The following POLR2F variants were observed in gnomAD, a reference collection of about 807,000 sequenced individuals.
The protein encoded by POLR2F is RNA polymerase II, I and III subunit F.
Under a neutral mutation model 22.7 loss-of-function variants are expected in POLR2F, and 12 were observed. That is an observed-to-expected ratio of 0.53 (90% CI 0.34 to 0.86). The LOEUF (loss-of-function observed/expected upper bound fraction) is 0.86, where lower values mean the gene tolerates loss of function less well. Ranked by LOEUF, POLR2F falls within the 40% of genes least tolerant of loss-of-function variation. The pLI, the probability that POLR2F is intolerant of heterozygous loss-of-function variation, is 0.02. For synonymous variants in POLR2F, 57 were observed against 66.0 expected, an observed-to-expected ratio of 0.86 and a Z score of 0.66; for missense variants, 126 against 171.5, an observed-to-expected ratio of 0.73 and a Z score of 1.48.
At position 37,967,347 on chromosome 22, in the gene POLR2F, TG is replaced by T. The variant is rs1267317791; in HGVS notation, c.293+180del. The T allele has an allele frequency of 2.7e-6, 4 of 1,469,580 alleles. No homozygotes were observed. In the Admixed American group the frequency reaches 9.9e-5, roughly 36 times the overall value. 91.0% of individuals were successfully genotyped at this position (1,469,580 alleles called of 1,614,324 possible). ...AAGAGAGAAGAGGAGGCAGGGAAAG[TG>T]GGAGGGCACTGATGAGACATGGACG... On this transcript the variant is annotated intron_variant, in intron 4 of 4. Coordinates refer to ENST00000442738, the MANE Select transcript of POLR2F (RefSeq NM_021974.5).
At chr22:37,970,230 C>G (rs112324747), downstream of POLR2F, among the ~76,000 whole-genome samples, 4,700 of 147,240 alleles carry the variant, frequency 0.032, 111 homozygotes, top group Non-Finnish European at 0.051. Context: ...GGAGGCGGAG[C>G]TTGCAGTGAG....
chr22:38,005,464 G>C (rs2084812784), intron 1 of POLR2F, among the ~76,000 whole-genome samples: 2 of 152,200 alleles, frequency 1.3e-5, no homozygotes, highest in Non-Finnish European at 1.5e-5. Context: ...AACCACAAAG[G>C]ATTTCAGCTC....
At chr22:38,033,694 A>G (rs2085087640) in intron 5 of POLR2F, among the ~76,000 whole-genome samples, 1 of 152,134 alleles carries the variant, frequency 6.6e-6, no homozygotes, top group Non-Finnish European at 1.5e-5. Flanking sequence ...TGATTTCCTC[A>G]GTTGTTTTCC....
intron 5 of POLR2F, among the ~76,000 whole-genome samples, chr22:38,038,094 T>C (rs1003705688): frequency 7.0e-5 from 10 of 143,738 alleles, no homozygotes; most frequent in Non-Finnish European, 1.4e-4. Context: ...TGAGAGCCAG[T>C]GTTGGGGGGT....
intron 1 of POLR2F, among the ~76,000 whole-genome samples, chr22:37,989,882 C>T (rs1932687061): frequency 6.6e-6 from 1 of 152,226 alleles, no homozygotes; most frequent in South Asian, 2.1e-4. Flanking sequence ...CGCTGTCCTC[C>T]CTCTGCCTGC....
At chr22:38,021,356 C>T (rs2084958942) in intron 1 of POLR2F, among the ~76,000 whole-genome samples, 1 of 152,160 alleles carries the variant, frequency 6.6e-6, no homozygotes, top group South Asian at 2.1e-4. Flanking sequence ...ATAAGAAAAA[C>T]TCTGGTGGGT....
intron 1 of POLR2F, among the ~76,000 whole-genome samples, chr22:38,012,589 CGTT>C (rs377450939): frequency 2.5e-4 from 38 of 152,134 alleles, no homozygotes; most frequent in South Asian, 1.0e-3. Context: ...CCATTAATGT[CGTT>C]GTTGTTGTTG....
At chr22:38,031,031 C>T (rs535587936), downstream of POLR2F, among the ~76,000 whole-genome samples, 6 of 152,052 alleles carry the variant, frequency 3.9e-5, no homozygotes, top group East Asian at 1.2e-3. This position sits in a 1 kb window ranked among gnomAD's most constrained non-coding sequence, Gnocchi z 4.1. Flanking sequence ...CTACAGACCA[C>T]CAGCACTTCA....
At chr22:37,989,931 C>G (rs1269286773) in intron 1 of POLR2F, among the ~76,000 whole-genome samples, 3 of 152,228 alleles carry the variant, frequency 2.0e-5, no homozygotes, top group Non-Finnish European at 2.9e-5. Context: ...CTGAGAGGTC[C>G]TCTTCCAGGA....
chr22:38,015,588 A>G (rs1007823951), intron 1 of POLR2F, among the ~76,000 whole-genome samples: 37 of 152,216 alleles, frequency 2.4e-4, no homozygotes, highest in African/African-American at 8.7e-4. Context: ...AGATTCCTGG[A>G]TTTGGAGTTA....
chr22:38,025,740 G>A, intron 1 of POLR2F: 2 of 1,527,866 alleles, frequency 1.3e-6, no homozygotes, highest in Non-Finnish European at 1.8e-6. Context: ...CCAGGTTGCT[G>A]ATGGTCTCAC....
At chr22:38,035,031 C>A (rs920566929) in intron 5 of POLR2F, among the ~76,000 whole-genome samples, 2 of 152,008 alleles carry the variant, frequency 1.3e-5, no homozygotes, top group Non-Finnish European at 2.9e-5. Context: ...TCTCCCCACA[C>A]CTCTTGGCCT....
chr22:37,973,846 C>A, downstream of POLR2F: 1 of 1,606,486 alleles, frequency 6.2e-7, no homozygotes, highest in Non-Finnish European at 8.5e-7. Flanking sequence ...CTTTGGCATC[C>A]ACACCAGGTG....
chr22:38,037,368 G>A (rs960785062), intron 5 of POLR2F, among the ~76,000 whole-genome samples: 17 of 152,122 alleles, frequency 1.1e-4, no homozygotes, highest in African/African-American at 4.1e-4. Context: ...TGAACTCCTG[G>A]GCTCAAGCGA....
intron 1 of POLR2F, among the ~76,000 whole-genome samples, chr22:38,012,771 T>G (rs2084882649): frequency 6.6e-6 from 1 of 152,228 alleles, no homozygotes. Context: ...TCCCTCAACT[T>G]GTTTTTTTCT....
intron 1 of POLR2F, chr22:38,025,488 A>T: frequency 2.1e-6 from 3 of 1,413,138 alleles, no homozygotes; most frequent in Non-Finnish European, 2.8e-6. Flanking sequence ...ACAAACACAC[A>T]TTCACACTCA....
chr22:37,985,052 G>A (rs142997593), upstream of POLR2F: 214 of 152,482 alleles, frequency 1.4e-3, 2 homozygotes, highest in Non-Finnish European at 2.5e-3. Flanking sequence ...CTTTTCCCAG[G>A]CAGCCCTTTC....
chr22:37,956,059 A>AT (rs1263622816), intron 1 of POLR2F, among the ~76,000 whole-genome samples: 208 of 143,858 alleles, frequency 1.4e-3, no homozygotes, highest in South Asian at 0.011. Context: ...GCCCTCTTTG[A>AT]TTTTTTTTTT....
chr22:38,003,946 G>C (rs1285900730), intron 1 of POLR2F, among the ~76,000 whole-genome samples: 2 of 152,126 alleles, frequency 1.3e-5, no homozygotes, highest in Non-Finnish European at 2.9e-5. Context: ...GGGGAAGGGA[G>C]GGAGGTGCTG....
Sources: allele counts gnomAD v4.1 joint callset (sites outside exome capture counted in the v4.1 genomes callset), GRCh38; gene constraint gnomAD v4.1.1; non-coding constraint Gnocchi (gnomAD v3.1); transcripts MANE v1.5; gene names NCBI Gene and HGNC (gene_info 2026-07-23, HGNC 2026-07-21).